PACRG: variants seen among roughly 807,000 people sequenced by gnomAD.
PACRG encodes parkin coregulated gene protein.
PACRG carries 29 observed loss-of-function variants against 29.7 expected under a neutral mutation model. The ratio of observed to expected loss-of-function variants is 0.98; its 90% CI spans 0.73 to 1.33. The LOEUF is 1.33. Ranked by LOEUF, PACRG falls within the 40% of genes most tolerant of loss-of-function variation. The probability of loss-of-function intolerance (pLI) is 0.00; values close to 1 mark genes in which losing one functional copy is unlikely to be tolerated. For synonymous variants in PACRG, 116 were observed against 118.7 expected (o/e 0.98, Z 0.15); for missense variants, 279 against 316.2 (o/e 0.88, Z 0.89).
At chr6:163,129,668 CA>C (rs1017526304) in intron 4 of PACRG, among the ~76,000 whole-genome samples, 41 of 152,326 alleles carry the variant, frequency 2.7e-4, no homozygotes, top group African/African-American at 9.4e-4. Flanking sequence ...CTACTGATCA[CA>C]GGGCAGCGTG....
intron 4 of PACRG, among the ~76,000 whole-genome samples, chr6:163,283,037 T>C (rs1160407099): frequency 6.6e-6 from 1 of 152,272 alleles, no homozygotes; most frequent in Non-Finnish European, 1.5e-5. Context: ...ATTCTGTGTC[T>C]TTTGTGTATG....
At chr6:163,183,102 G>A (rs112218163) in intron 4 of PACRG, 4,674 of 152,304 alleles carry the variant, frequency 0.031, 117 homozygotes, top group Non-Finnish European at 0.041. Context: ...GACGGAGGGT[G>A]TCTGAGATCA....
intron 1 of PACRG, among the ~76,000 whole-genome samples, chr6:162,799,973 T>A (rs1008352671): frequency 1.3e-5 from 2 of 152,208 alleles, no homozygotes; most frequent in African/African-American, 4.8e-5. Context: ...ATTTATATTC[T>A]CCTTTCACAT....
At chr6:162,944,569 A>G (rs1435691934) in intron 2 of PACRG, among the ~76,000 whole-genome samples, 1 of 152,182 alleles carries the variant, frequency 6.6e-6, no homozygotes, top group Non-Finnish European at 1.5e-5. Flanking sequence ...AATAATACAT[A>G]TAAATCAGAA....
At chr6:163,130,949 A>T (rs1453943490) in intron 4 of PACRG, among the ~76,000 whole-genome samples, 2 of 152,186 alleles carry the variant, frequency 1.3e-5, no homozygotes, top group African/African-American at 2.4e-5. Context: ...TAATTAGTTA[A>T]GATAAGGTCC....
At chr6:163,269,728 A>G (rs1783661956) in intron 4 of PACRG, among the ~76,000 whole-genome samples, 1 of 149,550 alleles carries the variant, frequency 6.7e-6, no homozygotes, top group Admixed American at 6.9e-5. Flanking sequence ...GGGTGAGAAT[A>G]CCACTGAGGG....
intron 4 of PACRG, among the ~76,000 whole-genome samples, chr6:163,285,771 C>A (rs890885567): frequency 1.3e-5 from 2 of 152,296 alleles, no homozygotes; most frequent in East Asian, 3.9e-4. Context: ...ATACTATGTG[C>A]GGCTCTGTAT....
intron 4 of PACRG, among the ~76,000 whole-genome samples, chr6:163,151,867 A>G (rs984929498): frequency 4.6e-5 from 7 of 152,244 alleles, no homozygotes; most frequent in African/African-American, 1.7e-4. Flanking sequence ...GATGTGTTAC[A>G]TAACAATCAC....
intron 3 of PACRG, among the ~76,000 whole-genome samples, chr6:163,067,157 G>A (rs989861582): frequency 1.3e-5 from 2 of 152,176 alleles, no homozygotes; most frequent in Admixed American, 1.3e-4. Context: ...CGCTTCCCAA[G>A]CTTCAGTATG....
rs553117066 is a variant in PACRG at position 162,758,767 on chromosome 6, A to G, written c.156+30376A>G. Among the ~76,000 whole-genome samples the G allele has an allele frequency of 2.0e-5, 3 of 152,308 alleles. No homozygotes were observed. The South Asian group carries it at 6.2e-4, about 32-fold the overall frequency. ...GATTAAATAATCTATTCAAAACACT[A>G]AGACCATTACCTGCTAAATATACAT... On this transcript the variant is annotated intron_variant, in intron 1 of 4. Coordinates refer to ENST00000366888, the MANE Select transcript of PACRG (RefSeq NM_001080379.2).
chr6:162,946,505 C>T (rs1799020224), intron 2 of PACRG, among the ~76,000 whole-genome samples: 1 of 151,970 alleles, frequency 6.6e-6, no homozygotes, highest in Admixed American at 6.6e-5. Context: ...AAAAAAGTCT[C>T]CCAACAAAGC....
chr6:162,807,263 T>C (rs1786431185), intron 1 of PACRG, among the ~76,000 whole-genome samples: 1 of 152,244 alleles, frequency 6.6e-6, no homozygotes, highest in Non-Finnish European at 1.5e-5. Context: ...TATTCATGTG[T>C]TCACTGGGAT....
chr6:163,145,507 C>T (rs889692108), intron 4 of PACRG, among the ~76,000 whole-genome samples: 1 of 152,204 alleles, frequency 6.6e-6, no homozygotes, highest in African/African-American at 2.4e-5. Flanking sequence ...ACTTGTTTTC[C>T]TGTCCTATGC....
In PACRG at chr6:163,144,566, C is replaced by T. The variant is rs1226859837; in HGVS notation, c.613+55158C>T. Among the ~76,000 whole-genome samples, 5 of 151,888 alleles carry T rather than the reference C, an allele frequency of 3.3e-5. No homozygotes were observed. In the East Asian group the frequency reaches 9.7e-4, roughly 30 times the overall value. On this transcript the variant is annotated intron_variant, in intron 4 of 4. Transcript: ENST00000366888. The stretch of plus-strand genomic sequence containing the variant: ...AGTGGATCACCTGAGGTCAGGAGTT[C>T]GAGACCAGCCTAGCCAACATGGTGA...
chr6:162,737,740 A>C (rs941541675), intron 1 of PACRG, among the ~76,000 whole-genome samples: 1 of 152,186 alleles, frequency 6.6e-6, no homozygotes, highest in African/African-American at 2.4e-5. Context: ...AATAAGATGT[A>C]AAGTCGAACA....
intron 2 of PACRG, among the ~76,000 whole-genome samples, chr6:162,895,690 C>G (rs7760375): frequency 0.47 from 71,219 of 152,028 alleles, 17,284 homozygotes; most frequent in Middle Eastern, 0.58. Flanking sequence ...ATACTTTTTA[C>G]ATATGAATAG....
At chr6:162,882,859 C>G (rs1794016134) in intron 2 of PACRG, among the ~76,000 whole-genome samples, 1 of 152,214 alleles carries the variant, frequency 6.6e-6, no homozygotes, top group South Asian at 2.1e-4. Context: ...CAGGCTTACC[C>G]TGAAGTGTTA....
At chr6:162,781,649 G>T (rs73601985) in intron 1 of PACRG, among the ~76,000 whole-genome samples, 6,742 of 151,806 alleles carry the variant, frequency 0.044, 519 homozygotes, top group African/African-American at 0.15. Flanking sequence ...GTATATTGTT[G>T]TAAGGTTTTT....
intron 4 of PACRG, among the ~76,000 whole-genome samples, chr6:163,125,106 G>A (rs1008019606): frequency 6.6e-6 from 1 of 152,098 alleles, no homozygotes; most frequent in African/African-American, 2.4e-5. Flanking sequence ...AGTGTATGTG[G>A]GAATGTAGAA....
Sources: allele counts gnomAD v4.1 joint callset (sites outside exome capture counted in the v4.1 genomes callset), GRCh38; gene constraint gnomAD v4.1.1; transcripts MANE v1.5; gene names NCBI Gene and HGNC (gene_info 2026-07-23, HGNC 2026-07-21).